Variants in FGD6 observed in about 807,000 individuals in gnomAD.
FGD6 encodes the protein FYVE, RhoGEF and PH domain-containing protein 6.
A neutral mutation model predicts 149.4 loss-of-function variants in FGD6; 90 were observed. The observed-to-expected ratio is 0.60, with a 90% CI of 0.51 to 0.72. The LOEUF is 0.72. Ranked by LOEUF, FGD6 falls within the 30% of genes least tolerant of loss-of-function variation. The probability of loss-of-function intolerance (pLI) is 0.00; values close to 1 mark genes in which losing one functional copy is unlikely to be tolerated. For missense variants in FGD6, 1,437 were observed against 1,684.8 expected (o/e 0.85, Z 2.57); for synonymous variants, 527 against 584.0 (o/e 0.90, Z 1.41).
intron 20 of FGD6, among the ~76,000 whole-genome samples, chr12:95,081,823 C>T (rs1877685228): frequency 6.6e-6 from 1 of 151,836 alleles, no homozygotes; most frequent in Admixed American, 6.6e-5. Flanking sequence ...CAGGCATGTG[C>T]CACCACACCT....
At chr12:95,212,901 T>C (rs2056735347) in intron 1 of FGD6, among the ~76,000 whole-genome samples, 3 of 152,340 alleles carry the variant, frequency 2.0e-5, no homozygotes, top group East Asian at 3.9e-4. Context: ...ATAAAGATTA[T>C]ATGATGTATA....
intron 14 of FGD6, chr12:95,100,776 T>G: frequency 2.1e-6 from 1 of 468,492 alleles, no homozygotes; most frequent in Non-Finnish European, 4.2e-6. Context: ...ACAATAGTGA[T>G]GAGCGAACAG....
At chr12:95,180,823 A>G (rs1881261573) in intron 2 of FGD6, among the ~76,000 whole-genome samples, 1 of 152,260 alleles carries the variant, frequency 6.6e-6, no homozygotes. Flanking sequence ...TTCAAAGCAT[A>G]TATGTATTTA....
intron 8 of FGD6, 122 bp downstream of exon 8, chr12:95,134,617 T>C: frequency 1.2e-6 from 1 of 816,056 alleles, no homozygotes; most frequent in East Asian, 2.7e-5. Flanking sequence ...CAAATCCACG[T>C]ATTAGGCAAC....
intron 20 of FGD6, among the ~76,000 whole-genome samples, chr12:95,083,012 A>AAAAATATATATATATATATATATAT: frequency 5.0e-5 from 1 of 20,038 alleles, no homozygotes; most frequent in Non-Finnish European, 8.3e-5. Flanking sequence ...AAAAAAAAAA[A>AAAAATATATATATATATATATATAT]ATATATATAT....
intron 5 of FGD6, among the ~76,000 whole-genome samples, chr12:95,147,170 T>G (rs1451487221): frequency 2.0e-5 from 3 of 152,194 alleles, no homozygotes; most frequent in African/African-American, 7.2e-5. Context: ...GCAAAGCAGC[T>G]GTGGAGGTCA....
chr12:95,149,417 C>T (rs1291872786), intron 5 of FGD6, among the ~76,000 whole-genome samples: 1 of 119,038 alleles, frequency 8.4e-6, no homozygotes, highest in African/African-American at 3.2e-5. Context: ...ATATAGCATA[C>T]TATATAATAT....
At chr12:95,144,132 C>A (rs1228794985) in intron 5 of FGD6, among the ~76,000 whole-genome samples, 1 of 152,180 alleles carries the variant, frequency 6.6e-6, no homozygotes, top group Non-Finnish European at 1.5e-5. Flanking sequence ...TAACAGAGAC[C>A]AGCCAAATAC....
intron 2 of FGD6, among the ~76,000 whole-genome samples, chr12:95,207,241 T>C (rs2056697388): frequency 6.6e-6 from 1 of 152,160 alleles, no homozygotes; most frequent in Admixed American, 6.5e-5. Context: ...GCTGCCCCCA[T>C]GTAAAGAAGG....
At chr12:95,085,740 C>T in intron 19 of FGD6, 40 bp downstream of exon 19, 1 of 1,564,700 alleles carries the variant, frequency 6.4e-7, no homozygotes, top group Non-Finnish European at 8.6e-7. Flanking sequence ...GTTGGCATTA[C>T]AAAACCCCAA....
At chr12:95,201,191 T>G (rs1439741891) in intron 2 of FGD6, among the ~76,000 whole-genome samples, 1 of 152,066 alleles carries the variant, frequency 6.6e-6, no homozygotes, top group Non-Finnish European at 1.5e-5. Context: ...GAATACTCAT[T>G]CCCTTCCATA....
chr12:95,100,619 C>A, intron 14 of FGD6: 1 of 512,502 alleles, frequency 2.0e-6, no homozygotes, highest in South Asian at 1.5e-5. Context: ...TTTTCCCACC[C>A]TTGGGACTCT....
Position 95,079,131 on chromosome 12 carries a change from A to G in FGD6, c.*2389T>C, listed in dbSNP as rs1338750833. 6.6e-6 allele frequency: 1 copy of G among 152,200 alleles called. No homozygotes were observed. The highest frequency in any genetic ancestry group is 2.4e-5 in the African/African-American group (1 of 41,458). The allele number at this position is 152,200 out of a possible 1,614,324, so 9.4% of individuals were successfully genotyped here. On this transcript the variant is annotated 3_prime_UTR_variant, in exon 21 of 21. Coordinates refer to ENST00000343958, the MANE Select transcript of FGD6 (RefSeq NM_018351.4). Reference sequence around the variant, plus strand: ...AATGAGCCAGGTTACATAAATAACAATTGGTCAGCTTTAGTAAGTTATGAA... The same window carrying G: ...AATGAGCCAGGTTACATAAATAACAGTTGGTCAGCTTTAGTAAGTTATGAA...
At chr12:95,137,401 A>G in intron 7 of FGD6, 121 bp downstream of exon 7, 1 of 805,514 alleles carries the variant, frequency 1.2e-6, no homozygotes, top group Non-Finnish European at 1.8e-6. Flanking sequence ...TTGATTTTGA[A>G]GGGATTACTT....
chr12:95,171,056 C>T (rs1880974049), intron 3 of FGD6, among the ~76,000 whole-genome samples: 1 of 152,148 alleles, frequency 6.6e-6, no homozygotes. Context: ...TATTCTAATG[C>T]TTTCCATGTA....
chr12:95,104,971 G>GAAAAAAAAAAAAAAA, intron 14 of FGD6, 36 bp downstream of exon 14: 1 of 1,349,986 alleles, frequency 7.4e-7, no homozygotes, highest in Non-Finnish European at 9.9e-7. Context: ...CTCAGAATGA[G>GAAAAAAAAAAAAAAA]AAAAAAAAAA....
chr12:95,183,377 G>A (rs1881339587), intron 2 of FGD6, among the ~76,000 whole-genome samples: 1 of 152,212 alleles, frequency 6.6e-6, no homozygotes, highest in Non-Finnish European at 1.5e-5. Flanking sequence ...AGTTGTTCCT[G>A]AGTACAGGCC....
At chr12:95,084,361 T>G (rs1794908060) in intron 20 of FGD6, 137 bp downstream of exon 20, 3 of 695,688 alleles carry the variant, frequency 4.3e-6, no homozygotes, top group Non-Finnish European at 6.6e-6. Context: ...GTTTAAATAA[T>G]ACGTTAAATC....
Position 95,133,462 on chromosome 12 carries a change from C to G in FGD6, c.3082+1277G>C, listed in dbSNP as rs557983412. 3.2e-4 allele frequency among the ~76,000 whole-genome samples: 49 copies of G among 152,242 alleles called. 1 individual carries two copies. The South Asian group carries it at 9.5e-3, about 30-fold the overall frequency. ...CTAGGCAAGCTTTGAAGTGCTGAAGCCTTTTCCCTAAAGAGAAATGAGGAA... is the reference window on the plus strand; with the variant it reads ...CTAGGCAAGCTTTGAAGTGCTGAAGGCTTTTCCCTAAAGAGAAATGAGGAA... On this transcript the variant is annotated intron_variant, in intron 8 of 20. Transcript: ENST00000343958.
Sources: gnomAD v4.1 joint callset for allele counts (sites outside exome capture counted in the v4.1 genomes callset) on GRCh38, gnomAD v4.1.1 for gene constraint, MANE v1.5 for transcripts, NCBI Gene and HGNC (gene_info 2026-07-23, HGNC 2026-07-21) for gene names.